The following PHF21B variants were observed in gnomAD, a reference collection of about 807,000 sequenced individuals.
The protein encoded by PHF21B is PHD finger protein 21B.
In PHF21B, 22 loss-of-function variants were observed where a neutral mutation model predicts 62.2. The ratio of observed to expected loss-of-function variants is 0.35; its 90% confidence interval spans 0.25 to 0.51. The LOEUF (loss-of-function observed/expected upper bound fraction) is 0.51, where lower values mean the gene tolerates loss of function less well. Ranked by LOEUF, PHF21B falls within the 20% of genes least tolerant of loss-of-function variation. The probability of loss-of-function intolerance (pLI) is 0.97; values close to 1 mark genes in which losing one functional copy is unlikely to be tolerated. For synonymous variants in PHF21B, 341 were observed against 314.7 expected (o/e 1.08, Z -0.88); for missense variants, 701 against 707.9 (o/e 0.99, Z 0.11).
chr22:44,988,862 C>T (rs1329418523), intron 2 of PHF21B, among the ~76,000 whole-genome samples: 1 of 152,312 alleles, frequency 6.6e-6, no homozygotes, highest in African/African-American at 2.4e-5. Context: ...GGGAAGTCCA[C>T]GTGGAGGGCC....
At chr22:45,008,463 G>T (rs2147555167) in intron 2 of PHF21B, 82 bp downstream of exon 2, 1 of 1,343,380 alleles carries the variant, frequency 7.4e-7, no homozygotes. Context: ...CGTCGCCCAG[G>T]CTGGCACTTT....
intron 2 of PHF21B, among the ~76,000 whole-genome samples, chr22:44,960,166 C>T (rs1293553324): frequency 1.3e-5 from 2 of 152,172 alleles, no homozygotes; most frequent in Non-Finnish European, 2.9e-5. Context: ...TCCCAGGAAA[C>T]CCCTGGACGC....
intron 2 of PHF21B, among the ~76,000 whole-genome samples, chr22:44,987,666 G>C (rs558912353): frequency 6.6e-6 from 1 of 151,494 alleles, no homozygotes. Context: ...CATTACATCC[G>C]GACCCCAGCT....
In PHF21B at chr22:45,009,438, C is replaced by A; in HGVS notation, c.54+58G>T. On this transcript the variant is annotated intron_variant, in intron 1 of 12. Transcript: ENST00000313237. The surrounding 1 kb of genome is among the most constrained non-coding windows in gnomAD (Gnocchi z 5.9). ...GAGAGGATGCTGGGCTCGGGTCCCC[C>A]GACCCCCTCACCCCGCAACACACTC... 1.4e-6 allele frequency: 2 copies of A among 1,469,982 alleles called. No individual in the cohort carries two copies. The highest frequency in any genetic ancestry group is 9.0e-7 in the Non-Finnish European group (1 of 1,105,076). The allele number at this position is 1,469,982 out of a possible 1,614,324, so 91.1% of individuals were successfully genotyped here.
intron 2 of PHF21B, among the ~76,000 whole-genome samples, chr22:44,966,140 G>A (rs1478880898): frequency 6.6e-6 from 1 of 152,078 alleles, no homozygotes; most frequent in Non-Finnish European, 1.5e-5. Flanking sequence ...GGCACTCCCT[G>A]CATCCCTCCA....
intron 2 of PHF21B, among the ~76,000 whole-genome samples, chr22:44,983,850 T>G (rs953172145): frequency 2.0e-5 from 3 of 152,094 alleles, no homozygotes; most frequent in Non-Finnish European, 4.4e-5. Flanking sequence ...TAAGCCTTTA[T>G]AGCTGATACA....
At chr22:44,904,415 T>C (rs2071213926) in intron 5 of PHF21B, among the ~76,000 whole-genome samples, 1 of 152,126 alleles carries the variant, frequency 6.6e-6, no homozygotes, top group Non-Finnish European at 1.5e-5. Context: ...ACAGTTCTTT[T>C]AAGGATGGTC....
intron 9 of PHF21B, among the ~76,000 whole-genome samples, chr22:44,889,107 C>T (rs1003365193): frequency 1.3e-5 from 2 of 152,254 alleles, no homozygotes; most frequent in Non-Finnish European, 2.9e-5. Flanking sequence ...TCACCTACTG[C>T]TTCTTAGAGG....
At chr22:44,956,550 G>A (rs1036636656) in intron 2 of PHF21B, among the ~76,000 whole-genome samples, 7 of 152,184 alleles carry the variant, frequency 4.6e-5, no homozygotes, top group African/African-American at 1.4e-4. Flanking sequence ...ATCGTTTAAT[G>A]GCAGAAATAC....
intron 5 of PHF21B, among the ~76,000 whole-genome samples, chr22:44,903,048 G>A (rs974378365): frequency 6.6e-6 from 1 of 152,162 alleles, no homozygotes; most frequent in African/African-American, 2.4e-5. Context: ...GAGCATTTCT[G>A]CCACCTTCCC....
intron 11 of PHF21B, 38 bp from the exon 12 acceptor site, chr22:44,885,567 G>A (rs780382689): frequency 1.3e-6 from 2 of 1,543,372 alleles, no homozygotes. Context: ...AGAGGGGCAG[G>A]TAAGGAGCGG....
At chr22:44,883,429 T>G (rs1388473073) in intron 12 of PHF21B, 125 bp from the exon 13 acceptor site, 2 of 862,126 alleles carry the variant, frequency 2.3e-6, no homozygotes, top group Non-Finnish European at 3.5e-6. Flanking sequence ...GCTGAGGGCT[T>G]CACAAAAACC....
intron 5 of PHF21B, among the ~76,000 whole-genome samples, chr22:44,902,732 A>T (rs945105395): frequency 4.6e-5 from 7 of 152,052 alleles, no homozygotes; most frequent in African/African-American, 1.7e-4. Flanking sequence ...GTTTTTTTTA[A>T]AAAATCACAG....
At chr22:45,007,630 G>A (rs1034942104) in intron 2 of PHF21B, among the ~76,000 whole-genome samples, 2 of 144,496 alleles carry the variant, frequency 1.4e-5, no homozygotes, top group African/African-American at 5.1e-5. Context: ...CCACAGCGGT[G>A]CCCCCAGCAC....
intron 2 of PHF21B, among the ~76,000 whole-genome samples, chr22:44,999,207 C>A (rs1387086787): frequency 6.6e-6 from 1 of 152,210 alleles, no homozygotes; most frequent in East Asian, 1.9e-4. Flanking sequence ...AAAAACAACA[C>A]AGAGCAATCT....
chr22:44,883,873 G>C (rs551128102), intron 12 of PHF21B, among the ~76,000 whole-genome samples: 1 of 151,808 alleles, frequency 6.6e-6, no homozygotes, highest in East Asian at 1.9e-4. Context: ...CAGCATTATA[G>C]AGAGGATTAA....
chr22:44,932,743 C>T (rs2071766411), intron 2 of PHF21B, among the ~76,000 whole-genome samples: 1 of 152,272 alleles, frequency 6.6e-6, no homozygotes, highest in Non-Finnish European at 1.5e-5. Context: ...AGGTGCTCCT[C>T]TCTCTGCAGA....
intron 2 of PHF21B, among the ~76,000 whole-genome samples, chr22:44,930,187 T>C (rs572795926): frequency 2.2e-4 from 33 of 152,258 alleles, no homozygotes; most frequent in Non-Finnish European, 4.3e-4. Context: ...GGCCTGCTGG[T>C]GTCCCATAAA....
chr22:45,009,678 C>T lies in PHF21B; in HGVS notation c.-129G>A. On this transcript the variant is annotated 5_prime_UTR_variant, in exon 1 of 13. Transcript: ENST00000313237. The surrounding 1 kb of genome is among the most constrained non-coding windows in gnomAD (Gnocchi z 5.9). ...GGCTGGGTTGGGGGGGACACGAGCC[C>T]CCTCCCCCACGGCCGAAAGGGAAGG... The T allele has an allele frequency of 2.4e-6, 2 of 848,428 alleles. No homozygotes were observed. The highest frequency in any genetic ancestry group is 3.3e-5 in the East Asian group (1 of 30,304). 52.6% of individuals were successfully genotyped at this position (848,428 alleles called of 1,614,324 possible).
Sources: allele counts gnomAD v4.1 joint callset (sites outside exome capture counted in the v4.1 genomes callset), GRCh38; gene constraint gnomAD v4.1.1; non-coding constraint Gnocchi (gnomAD v3.1); transcripts MANE v1.5; gene names NCBI Gene and HGNC (gene_info 2026-07-23, HGNC 2026-07-21).